Variants in AGPAT3 observed in about 807,000 individuals in gnomAD.
The protein encoded by AGPAT3 is 1-acyl-sn-glycerol-3-phosphate acyltransferase gamma.
Under a neutral mutation model 47.3 loss-of-function variants are expected in AGPAT3, and 5 were observed. The ratio of observed to expected loss-of-function variants is 0.11; its 90% confidence interval spans 0.06 to 0.22. The LOEUF is 0.22. AGPAT3 is among the 10% of genes least tolerant of loss of function. The pLI, the probability that AGPAT3 is intolerant of heterozygous loss-of-function variation, is 1.00. For synonymous variants in AGPAT3, 212 were observed against 208.3 expected, an observed-to-expected ratio of 1.02 and a Z score of -0.15; for missense variants, 315 against 493.0, an observed-to-expected ratio of 0.64 and a Z score of 3.42.
intron 8 of AGPAT3, among the ~76,000 whole-genome samples, chr21:43,978,422 C>G (rs1227934219): frequency 6.6e-6 from 1 of 152,228 alleles, no homozygotes; most frequent in Non-Finnish European, 1.5e-5. Flanking sequence ...CCTGCCTCAG[C>G]CTCCCGGGTG....
intron 1 of AGPAT3, chr21:43,867,004 G>A (rs376256471): frequency 2.6e-5 from 4 of 152,300 alleles, no homozygotes; most frequent in African/African-American, 4.8e-5. Flanking sequence ...CAGACTCCAC[G>A]CTGGGGAGCT....
At chr21:43,968,501 C>G (rs1336287526) in intron 4 of AGPAT3, among the ~76,000 whole-genome samples, 1 of 151,348 alleles carries the variant, frequency 6.6e-6, no homozygotes, top group Non-Finnish European at 1.5e-5. Flanking sequence ...CTGGGAGAGC[C>G]TTGGGTTTCC....
At chr21:43,916,066 T>G (rs1446639929) in intron 2 of AGPAT3, among the ~76,000 whole-genome samples, 1 of 152,230 alleles carries the variant, frequency 6.6e-6, no homozygotes, top group Non-Finnish European at 1.5e-5. Flanking sequence ...AACCCTGTTT[T>G]CTGATTTTGT....
At chr21:43,909,878 G>C (rs902787335) in intron 2 of AGPAT3, among the ~76,000 whole-genome samples, 1 of 152,290 alleles carries the variant, frequency 6.6e-6, no homozygotes, top group African/African-American at 2.4e-5. Flanking sequence ...CTATCTGAAC[G>C]CTAGCCCGGT....
chr21:43,979,419 G>C (rs545193431), intron 8 of AGPAT3, among the ~76,000 whole-genome samples: 1 of 151,438 alleles, frequency 6.6e-6, no homozygotes, highest in South Asian at 2.1e-4. Flanking sequence ...GCAGCACCAT[G>C]CCCACCTGGT....
intron 2 of AGPAT3, among the ~76,000 whole-genome samples, chr21:43,938,888 G>T (rs999463634): frequency 6.6e-6 from 1 of 152,198 alleles, no homozygotes; most frequent in Non-Finnish European, 1.5e-5. Context: ...AAGCCTTGTG[G>T]GGGGAAGGAG....
At chr21:43,868,728 C>T (rs1184434174) in intron 1 of AGPAT3, among the ~76,000 whole-genome samples, 4 of 152,142 alleles carry the variant, frequency 2.6e-5, no homozygotes, top group Non-Finnish European at 5.9e-5. Context: ...TTCCTCATGT[C>T]CTATTAGCTG....
chr21:43,912,103 G>A (rs1034562561), intron 2 of AGPAT3, among the ~76,000 whole-genome samples: 9 of 152,244 alleles, frequency 5.9e-5, no homozygotes, highest in African/African-American at 1.9e-4. Context: ...GGCTCAGCTT[G>A]AGCATTGCCG....
chr21:43,977,485 C>T (rs1467965551), intron 7 of AGPAT3, among the ~76,000 whole-genome samples: 3 of 152,222 alleles, frequency 2.0e-5, no homozygotes, highest in Admixed American at 2.0e-4. Context: ...CCACCCTGCA[C>T]AGAAGGCCAC....
At chr21:43,870,608 G>C (rs74677379) in intron 1 of AGPAT3, among the ~76,000 whole-genome samples, 3 of 151,926 alleles carry the variant, frequency 2.0e-5, no homozygotes, top group African/African-American at 7.3e-5. Flanking sequence ...ATAGGTCCCA[G>C]CTACTCGGGA....
chr21:43,959,977 G>A (rs527701707), intron 3 of AGPAT3, 118 bp downstream of exon 3: 27 of 1,130,038 alleles, frequency 2.4e-5, no homozygotes, highest in African/African-American at 6.2e-5. Flanking sequence ...AGGAGGTGCC[G>A]AGGCCATCTG....
At chr21:43,959,950 G>C in intron 3 of AGPAT3, 91 bp downstream of exon 3, 1 of 1,380,060 alleles carries the variant, frequency 7.2e-7, no homozygotes, top group Non-Finnish European at 9.9e-7. Context: ...CTCTCAGGCA[G>C]GAAGTGAGGG....
chr21:43,915,754 T>A (rs1325171040), intron 2 of AGPAT3, among the ~76,000 whole-genome samples: 1 of 152,134 alleles, frequency 6.6e-6, no homozygotes, highest in Non-Finnish European at 1.5e-5. Flanking sequence ...AGCTTACTGT[T>A]TTGTTGATTT....
chr21:43,912,384 C>T (rs1601287504), intron 2 of AGPAT3, among the ~76,000 whole-genome samples: 1 of 152,224 alleles, frequency 6.6e-6, no homozygotes, highest in East Asian at 1.9e-4. Flanking sequence ...CTGGCCATGG[C>T]GCAGACCTAG....
At chr21:43,902,984 G>C (rs1243977784) in intron 1 of AGPAT3, among the ~76,000 whole-genome samples, 1 of 152,174 alleles carries the variant, frequency 6.6e-6, no homozygotes, top group Admixed American at 6.5e-5. Context: ...CTGGGTAACA[G>C]AGCGAGATCC....
chr21:43,955,255 A>G lies in AGPAT3; in HGVS notation c.-48-4379A>G. 3 of 1,195,194 alleles carry G rather than the reference A, an allele frequency of 2.5e-6. No individual in the cohort carries two copies. The highest frequency in any genetic ancestry group is 3.2e-6 in the Non-Finnish European group (3 of 934,832). The allele number at this position is 1,195,194 out of a possible 1,614,324, so 74.0% of individuals were successfully genotyped here. A position where few individuals can be genotyped will look rare whatever the true frequency, so the allele number is the denominator to read the frequency against. On this transcript the variant is annotated intron_variant, in intron 2 of 9. Coordinates refer to ENST00000291572, the MANE Select transcript of AGPAT3 (RefSeq NM_020132.5). The surrounding 1 kb of genome is among the most constrained non-coding windows in gnomAD (Gnocchi z 4.1). ...ACCTCTAGAAAAGGTAAATTAACCT[A>G]TAGAGCTGGAAAGCTGACCTGCATT...
intron 2 of AGPAT3, among the ~76,000 whole-genome samples, chr21:43,915,664 G>A (rs1237599240): frequency 2.0e-5 from 3 of 151,262 alleles, no homozygotes; most frequent in Non-Finnish European, 4.4e-5. Context: ...CACCCGCGTT[G>A]GTCTCCCAGA....
rs148449023 is a variant in AGPAT3, at chr21:43,936,703, T to G, written c.-48-22931T>G. 3.6e-3 allele frequency among the ~76,000 whole-genome samples: 553 copies of G among 152,334 alleles called. 3 individuals are homozygous for G. The highest frequency in any genetic ancestry group is 6.8e-3 in the Middle Eastern group (2 of 294). ...TTGGCAAAAACAAGACATCCTTTCCTTTTCCCGACCGCAGCTCTTGGATGG... is the reference window on the plus strand; with the variant it reads ...TTGGCAAAAACAAGACATCCTTTCCGTTTCCCGACCGCAGCTCTTGGATGG... On this transcript the variant is annotated intron_variant, in intron 2 of 9. Coordinates refer to ENST00000291572, the MANE Select transcript of AGPAT3 (RefSeq NM_020132.5).
At chr21:43,911,766 T>C (rs1234341912) in intron 2 of AGPAT3, among the ~76,000 whole-genome samples, 2 of 152,244 alleles carry the variant, frequency 1.3e-5, no homozygotes, top group Non-Finnish European at 2.9e-5. Context: ...GACCGGGTCA[T>C]CTGTGTTCAT....
Sources: gnomAD v4.1 joint callset for allele counts (sites outside exome capture counted in the v4.1 genomes callset) on GRCh38, gnomAD v4.1.1 for gene constraint, Gnocchi (gnomAD v3.1) non-coding constraint, MANE v1.5 for transcripts, NCBI Gene and HGNC (gene_info 2026-07-23, HGNC 2026-07-21) for gene names.